Variants in MED12L observed in about 807,000 individuals in gnomAD.
MED12L encodes the protein mediator of RNA polymerase II transcription subunit 12-like protein.
In MED12L, 60 loss-of-function variants were observed where a neutral mutation model predicts 281.3. That is an observed-to-expected ratio of 0.21 (90% CI 0.17 to 0.26). The LOEUF is 0.26. Ranked by LOEUF, MED12L falls within the 10% of genes least tolerant of loss-of-function variation. The pLI is 1.00. For synonymous variants in MED12L, 974 were observed against 987.2 expected, an observed-to-expected ratio of 0.99 and a Z score of 0.25; for missense variants, 2,146 against 2,680.9, an observed-to-expected ratio of 0.80 and a Z score of 4.41.
At position 151,368,281 on chromosome 3, in the gene MED12L, C is replaced by A. The variant is rs771687404; in HGVS notation, c.3550+30C>A. On this transcript the variant is annotated intron_variant, in intron 25 of 44. Transcript: ENST00000687756. ...GCTGACTGCAGAAAAATCTGATTAC[C>A]TTTTCATTGGTAGCTAAAGTTTCTA... The A allele has an allele frequency of 4.5e-6, 7 of 1,571,250 alleles. No individual in the cohort carries two copies. The East Asian group carries it at 1.6e-4, about 35-fold the overall frequency.
intron 2 of MED12L, among the ~76,000 whole-genome samples, chr3:151,087,306 C>T (rs576960141): frequency 6.6e-6 from 1 of 152,234 alleles, no homozygotes; most frequent in Non-Finnish European, 1.5e-5. Context: ...CGGGCTTCTT[C>T]CCTGCCGAAA....
In MED12L at chr3:151,165,861, G is replaced by A. The variant is rs1156845047; in HGVS notation, c.1373G>A (p.Arg458Gln). The change falls in exon 11 of 45, where the codon CGG becomes CAG. Residue 458 changes from arginine to glutamine, a missense_variant. This residue lies in a region of MED12L where 722 missense variants were observed against 861.2 expected (regional missense o/e 0.84). Transcript: ENST00000687756. ...CTGCCTATAGGGGTGACTATTAGTC[G>A]GGTTTTGCACACGTTGGAAGTTTTG... The part of the protein sequence containing the change: ...QESTAGVTIS[R>Q]VLHTLEVLDR... 1.2e-5 allele frequency: 20 copies of A among 1,613,574 alleles called. No homozygotes were observed. Among genetic ancestry groups the A allele is most frequent in the South Asian group, 4.4e-5 (4 of 90,818 alleles).
intron 16 of MED12L, among the ~76,000 whole-genome samples, chr3:151,292,779 T>A (rs963399921): frequency 2.0e-5 from 3 of 151,930 alleles, no homozygotes; most frequent in Admixed American, 1.3e-4. Flanking sequence ...TCCATGTTGG[T>A]CAGGCTGGTC....
chr3:151,174,825 C>G (rs1279130755), intron 11 of MED12L, among the ~76,000 whole-genome samples: 1 of 151,938 alleles, frequency 6.6e-6, no homozygotes, highest in East Asian at 1.9e-4. Flanking sequence ...TCATGTGATC[C>G]CCAGCCGAGT....
At chr3:151,114,784 G>T in intron 2 of MED12L, among the ~76,000 whole-genome samples, 1 of 149,474 alleles carries the variant, frequency 6.7e-6, no homozygotes, top group Non-Finnish European at 1.5e-5. Context: ...TTAAAGCCTT[G>T]GGTTATTTTT....
chr3:151,247,765 A>G (rs1055173365), intron 16 of MED12L, among the ~76,000 whole-genome samples: 1 of 151,402 alleles, frequency 6.6e-6, no homozygotes, highest in African/African-American at 2.4e-5. Flanking sequence ...GTATAATAAA[A>G]AAAAAAAGCA....
At chr3:151,152,619 AT>A (rs936407530) in intron 5 of MED12L, among the ~76,000 whole-genome samples, 2 of 152,044 alleles carry the variant, frequency 1.3e-5, no homozygotes. Flanking sequence ...CCACTTATTG[AT>A]TTCCGTGTTG....
chr3:151,173,353 C>T (rs1278517143), intron 11 of MED12L, among the ~76,000 whole-genome samples: 1 of 152,138 alleles, frequency 6.6e-6, no homozygotes, highest in African/African-American at 2.4e-5. Flanking sequence ...GTACTCTTAA[C>T]TAGTACGTTC....
At chr3:151,347,292 A>G (rs1477277893) in intron 16 of MED12L, among the ~76,000 whole-genome samples, 1 of 152,178 alleles carries the variant, frequency 6.6e-6, no homozygotes, top group East Asian at 1.9e-4. Flanking sequence ...TTTGTTCATT[A>G]GTCTGCTTAT....
rs542015082 is a variant in MED12L at position 151,334,951 on chromosome 3, G to A, written c.2251-15108G>A. ...TGTGTTCCAATAAAACCTTATTTAT[G>A]GACATTGAAATTCAAATTTCATATA... On this transcript the variant is annotated intron_variant, in intron 16 of 44. Transcript: ENST00000687756. 3.2e-4 allele frequency among the ~76,000 whole-genome samples: 49 copies of A among 152,256 alleles called. 1 individual carries two copies. The highest frequency in any genetic ancestry group is 1.1e-3 in the African/African-American group (47 of 41,542).
At position 151,435,010 on chromosome 3, in the gene MED12L, T is replaced by G; in HGVS notation, c.*2206T>G. ...CGCATTATAAAGAAAATAACTAGAA[T>G]TACTTTAGTCTTCAGATTTTCTCCC... On this transcript the variant is annotated 3_prime_UTR_variant, in exon 45 of 45. Coordinates refer to ENST00000687756, the MANE Select transcript of MED12L (RefSeq NM_001393769.1). 6.6e-6 allele frequency: 1 copy of G among 151,990 alleles called. No homozygotes were observed. Among genetic ancestry groups the G allele is most frequent in the African/African-American group, 2.4e-5 (1 of 41,460 alleles). 9.4% of individuals were successfully genotyped at this position (151,990 alleles called of 1,614,324 possible).
Position 151,394,861 on chromosome 3 carries a change from C to T in MED12L, c.5814C>T (p.Phe1938=), listed in dbSNP as rs1320525045. 1 of 1,613,852 alleles carries T rather than the reference C, an allele frequency of 6.2e-7. No individual in the cohort carries two copies. Among genetic ancestry groups the T allele is most frequent in the Non-Finnish European group, 8.5e-7 (1 of 1,180,036 alleles). The part of the protein sequence containing the change: ...RLLRQAQTRP[F]QQGQPGDQAA... ...TCAGGCAAGCCCAGACTCGGCCTTTCCAACAGGTTTGTCCAGACCCCAGCA... is the reference window on the plus strand; with the variant it reads ...TCAGGCAAGCCCAGACTCGGCCTTTTCAACAGGTTTGTCCAGACCCCAGCA... Residue 1938 remains phenylalanine (F), a synonymous_variant, in exon 39 of 45, where the codon TTC becomes TTT. Coordinates refer to ENST00000687756, the MANE Select transcript of MED12L (RefSeq NM_001393769.1).
intron 21 of MED12L, among the ~76,000 whole-genome samples, chr3:151,364,593 T>A (rs1162791038): frequency 6.6e-6 from 1 of 152,196 alleles, no homozygotes; most frequent in Non-Finnish European, 1.5e-5. Flanking sequence ...TACTCTTATG[T>A]GTAATTGAAT....
intron 2 of MED12L, among the ~76,000 whole-genome samples, chr3:151,087,883 C>CT (rs776257411): frequency 9.3e-5 from 14 of 149,846 alleles, no homozygotes; most frequent in African/African-American, 2.0e-4. Flanking sequence ...AGGGACTTGC[C>CT]TTTTTTTTGT....
chr3:151,380,843 A>G (rs1247896475), intron 32 of MED12L, among the ~76,000 whole-genome samples: 8 of 152,216 alleles, frequency 5.3e-5, no homozygotes, highest in Admixed American at 4.6e-4. Context: ...GGAGCAATCT[A>G]TGCTGCAGTA....
chr3:151,393,221 C>G (rs915009641), intron 38 of MED12L, among the ~76,000 whole-genome samples: 1 of 151,688 alleles, frequency 6.6e-6, no homozygotes, highest in African/African-American at 2.4e-5. Context: ...TTGGGGGCTT[C>G]CGTATTTAAA....
At chr3:151,311,962 T>C (rs550178427) in intron 16 of MED12L, among the ~76,000 whole-genome samples, 1 of 152,278 alleles carries the variant, frequency 6.6e-6, no homozygotes, top group Non-Finnish European at 1.5e-5. Flanking sequence ...AGGCGGAGGT[T>C]GCGGAGGTTG....
chr3:151,268,253 T>TTATA (rs10645730), intron 16 of MED12L, among the ~76,000 whole-genome samples: 173 of 151,230 alleles, frequency 1.1e-3, no homozygotes, highest in Admixed American at 5.5e-3. Context: ...CATTTATTAC[T>TTATA]TATATATATA....
chr3:151,118,962 C>T (rs1227061238), intron 3 of MED12L, among the ~76,000 whole-genome samples: 1 of 152,236 alleles, frequency 6.6e-6, no homozygotes, highest in Non-Finnish European at 1.5e-5. Context: ...GCTGGGATTA[C>T]AGATGTGAGC....
Sources: gnomAD v4.1 joint callset for allele counts (sites outside exome capture counted in the v4.1 genomes callset) on GRCh38, gnomAD v4.1.1 for gene constraint, gnomAD v4.1.1 regional missense constraint, MANE v1.5 for transcripts, NCBI Gene and HGNC (gene_info 2026-07-23, HGNC 2026-07-21) for gene names.